Variants in RASSF5 observed in about 807,000 individuals in gnomAD.
RASSF5 encodes the protein Ras association domain family member 5.
RASSF5 carries 25 observed loss-of-function variants against 40.5 expected under a neutral mutation model. That is an observed-to-expected ratio of 0.62 (90% CI 0.45 to 0.86). RASSF5 has a LOEUF of 0.86. Ranked by LOEUF, RASSF5 falls within the 40% of genes least tolerant of loss-of-function variation. The pLI is 0.00. For missense variants in RASSF5, 521 were observed against 572.8 expected (o/e 0.91, Z 0.92); for synonymous variants, 246 against 252.4 (o/e 0.97, Z 0.24).
At chr1:206,509,887 G>A (rs1260572873) in intron 1 of RASSF5, among the ~76,000 whole-genome samples, 1 of 152,048 alleles carries the variant, frequency 6.6e-6, no homozygotes, top group African/African-American at 2.4e-5. Context: ...GAAGATCTAG[G>A]CCCCCGGGCA....
intron 2 of RASSF5, among the ~76,000 whole-genome samples, chr1:206,571,881 A>T (rs936160662): frequency 6.6e-6 from 1 of 152,218 alleles, no homozygotes; most frequent in Non-Finnish European, 1.5e-5. Flanking sequence ...TCCTGAGGGC[A>T]TAAGATGTCC....
intron 2 of RASSF5, among the ~76,000 whole-genome samples, chr1:206,551,190 C>A (rs1438196005): frequency 6.6e-6 from 1 of 152,146 alleles, no homozygotes; most frequent in Non-Finnish European, 1.5e-5. Context: ...TTAGACCCCA[C>A]CTAGTCCCTC....
intron 1 of RASSF5, among the ~76,000 whole-genome samples, chr1:206,528,544 A>G (rs543668169): frequency 7.2e-5 from 11 of 152,304 alleles, no homozygotes; most frequent in African/African-American, 2.6e-4. Context: ...GTGAACCCTA[A>G]TGTAAACTAT....
intron 1 of RASSF5, among the ~76,000 whole-genome samples, chr1:206,532,058 G>A (rs202080152): frequency 1.3e-4 from 20 of 149,982 alleles, no homozygotes; most frequent in Non-Finnish European, 1.5e-4. Flanking sequence ...TCTCAAAAAA[G>A]AAAAAAAAAA....
chr1:206,548,936 G>A (rs1331570526), intron 2 of RASSF5, among the ~76,000 whole-genome samples: 2 of 152,046 alleles, frequency 1.3e-5, no homozygotes, highest in Non-Finnish European at 2.9e-5. Flanking sequence ...CGCGTTCTCG[G>A]CTCACTGCAA....
chr1:206,587,073 C>A lies in RASSF5; in HGVS notation c.*95C>A, dbSNP rs782102674. The A allele has an allele frequency of 6.1e-6, 9 of 1,470,148 alleles. No individual in the cohort carries two copies. Among genetic ancestry groups the A allele is most frequent in the Non-Finnish European group, 1.9e-6 (2 of 1,076,254 alleles). 91.1% of individuals were successfully genotyped at this position (1,470,148 alleles called of 1,614,324 possible). ...ACACTTTTTCTCAGGACATCTCTGG[C>A]AGGTGCATTTGTGCCTGCCCAGCAG... On this transcript the variant is annotated 3_prime_UTR_variant, in exon 6 of 6. Coordinates refer to ENST00000579436, the MANE Select transcript of RASSF5 (RefSeq NM_182663.4).
At chr1:206,543,841 C>T (rs984170574) in intron 2 of RASSF5, 3 of 152,156 alleles carry the variant, frequency 2.0e-5, no homozygotes, top group African/African-American at 7.2e-5. Flanking sequence ...GCAACCTCCG[C>T]CTCCTGGGTT....
chr1:206,528,839 A>C (rs1667162524), intron 1 of RASSF5: 2 of 415,624 alleles, frequency 4.8e-6, no homozygotes, highest in African/African-American at 4.1e-5. Context: ...GGAGTTTGAG[A>C]CCAGCCTGGG....
intron 2 of RASSF5, among the ~76,000 whole-genome samples, chr1:206,553,812 A>G (rs7544370): frequency 0.6 from 91,837 of 152,096 alleles, 27,850 homozygotes; most frequent in East Asian, 0.75. Context: ...AATTTCAGGC[A>G]TGTGGTTATT....
intron 1 of RASSF5, among the ~76,000 whole-genome samples, chr1:206,510,413 A>T (rs995882824): frequency 2.6e-5 from 4 of 152,022 alleles, no homozygotes; most frequent in Non-Finnish European, 5.9e-5. Context: ...TACCTACTTC[A>T]TCATGTTAAT....
intron 2 of RASSF5, chr1:206,543,773 T>C (rs577635799): frequency 6.6e-6 from 1 of 152,286 alleles, no homozygotes; most frequent in East Asian, 1.9e-4. Context: ...TTTTATTTTT[T>C]ATATTGAGTC....
At chr1:206,576,189 G>A (rs560800308) in intron 2 of RASSF5, among the ~76,000 whole-genome samples, 91 of 152,370 alleles carry the variant, frequency 6.0e-4, no homozygotes, top group Non-Finnish European at 9.0e-4. Context: ...GATGCCAGCT[G>A]TAGCCACACA....
chr1:206,508,732 C>A (rs1383475653), intron 1 of RASSF5, among the ~76,000 whole-genome samples: 1 of 152,074 alleles, frequency 6.6e-6, no homozygotes, highest in African/African-American at 2.4e-5. Flanking sequence ...GCCTCCTCCC[C>A]TTCCTCCTCC....
chr1:206,574,853 C>CT (rs71570015), intron 2 of RASSF5, among the ~76,000 whole-genome samples: 12,935 of 86,092 alleles, frequency 0.15, 1,330 homozygotes, highest in Middle Eastern at 0.25. Context: ...GGACCAATGA[C>CT]TTTTTTTTTT....
intron 1 of RASSF5, among the ~76,000 whole-genome samples, chr1:206,526,630 G>A (rs924455073): frequency 2.6e-5 from 4 of 152,076 alleles, no homozygotes; most frequent in African/African-American, 4.8e-5. Flanking sequence ...CAGTCTCTCC[G>A]CCTTCCCATT....
chr1:206,522,415 T>C (rs1553396269), intron 1 of RASSF5, among the ~76,000 whole-genome samples: 1 of 152,232 alleles, frequency 6.6e-6, no homozygotes, highest in African/African-American at 2.4e-5. Context: ...GTCTTTGCAC[T>C]TCTCTCTGCA....
chr1:206,523,551 T>C (rs1309148370), intron 1 of RASSF5, among the ~76,000 whole-genome samples: 6 of 96,042 alleles, frequency 6.2e-5, no homozygotes, highest in Non-Finnish European at 9.7e-5. Flanking sequence ...TATAAATATA[T>C]ATACACTCTA....
intron 2 of RASSF5, among the ~76,000 whole-genome samples, chr1:206,582,464 T>C (rs1222672980): frequency 6.6e-6 from 1 of 152,218 alleles, no homozygotes; most frequent in Non-Finnish European, 1.5e-5. Context: ...TAGTCTCACC[T>C]GTAAGATGGG....
intron 2 of RASSF5, chr1:206,580,572 C>G (rs782037198): frequency 2.0e-5 from 3 of 152,176 alleles, no homozygotes; most frequent in Non-Finnish European, 4.4e-5. Flanking sequence ...ATGGGGAGCT[C>G]TGGGAGCTAC....
Sources: allele counts gnomAD v4.1 joint callset (sites outside exome capture counted in the v4.1 genomes callset), GRCh38; gene constraint gnomAD v4.1.1; transcripts MANE v1.5; gene names NCBI Gene and HGNC (gene_info 2026-07-23, HGNC 2026-07-21).